Variants in CTXND1 observed in about 807,000 individuals in gnomAD.
The protein encoded by CTXND1 is cortexin domain-containing 1 protein.
At chr15:80,229,891 G>A (rs1893410412) in intron 1 of CTXND1, among the ~76,000 whole-genome samples, 1 of 152,166 alleles carries the variant, frequency 6.6e-6, no homozygotes, top group Non-Finnish European at 1.5e-5. Flanking sequence ...ATCCAGGTTG[G>A]AAAATGCTAA....
chr15:80,197,111 C>T lies in CTXND1; in HGVS notation c.*4659G>A, dbSNP rs2041424247. 1 of 152,224 alleles carries T rather than the reference C, an allele frequency of 6.6e-6. No homozygotes were observed. The highest frequency in any genetic ancestry group is 1.5e-5 in the Non-Finnish European group (1 of 68,128). The allele number at this position is 152,224 out of a possible 1,614,324, so 9.4% of individuals were successfully genotyped here. ...TCTCTTTGTCGCCTAGGCTGGAGTG[C>T]AGTAGTGTGATCCTAGCTCATTGTA... On this transcript the variant is annotated 3_prime_UTR_variant, in exon 3 of 3. Coordinates refer to ENST00000560778, the MANE Select transcript of CTXND1 (RefSeq NM_001352888.2).
chr15:80,217,317 A>C (rs909653981), intron 1 of CTXND1, among the ~76,000 whole-genome samples: 1 of 152,154 alleles, frequency 6.6e-6, no homozygotes, highest in South Asian at 2.1e-4. Context: ...TTACATCCTG[A>C]AATAGATCCT....
intron 1 of CTXND1, among the ~76,000 whole-genome samples, chr15:80,210,094 T>C (rs1440233583): frequency 6.6e-6 from 1 of 152,188 alleles, no homozygotes; most frequent in African/African-American, 2.4e-5. Flanking sequence ...TTTGAGGAAT[T>C]TTGCCCCTGA....
intron 1 of CTXND1, among the ~76,000 whole-genome samples, chr15:80,207,034 C>A (rs1312841085): frequency 6.6e-6 from 1 of 152,164 alleles, no homozygotes; most frequent in African/African-American, 2.4e-5. Flanking sequence ...TCTCTGCCTG[C>A]CTTAAAGATT....
Position 80,229,709 on chromosome 15 carries a change from A to G in CTXND1, c.-218+22298T>C, listed in dbSNP as rs74815363. Among the ~76,000 whole-genome samples, 1,348 of 152,326 alleles carry G rather than the reference A, an allele frequency of 8.8e-3. 8 individuals are homozygous for G. Among genetic ancestry groups the G allele is most frequent in the Non-Finnish European group, 0.014 (920 of 68,024 alleles). ...ATCGTCTTGACTAAAAAATTCTGATATGGTCCTTGCTAGTCAAAAGCTGAA... is the reference window on the plus strand; with the variant it reads ...ATCGTCTTGACTAAAAAATTCTGATGTGGTCCTTGCTAGTCAAAAGCTGAA... On this transcript the variant is annotated intron_variant, in intron 1 of 2. Coordinates refer to ENST00000560778, the MANE Select transcript of CTXND1 (RefSeq NM_001352888.2).
intron 1 of CTXND1, among the ~76,000 whole-genome samples, chr15:80,212,713 G>A (rs976634212): frequency 4.6e-5 from 7 of 152,132 alleles, no homozygotes; most frequent in African/African-American, 1.4e-4. Context: ...TGGGAGATCC[G>A]CAAAAATTTT....
chr15:80,222,793 C>G (rs1044423492), intron 1 of CTXND1, among the ~76,000 whole-genome samples: 1 of 152,036 alleles, frequency 6.6e-6, no homozygotes, highest in Non-Finnish European at 1.5e-5. Context: ...CTTTGTTTCA[C>G]TAAATCTGCC....
At chr15:80,227,635 T>TAA in intron 1 of CTXND1, among the ~76,000 whole-genome samples, 1 of 152,336 alleles carries the variant, frequency 6.6e-6, no homozygotes, top group South Asian at 2.1e-4. Flanking sequence ...ATATGTACAC[T>TAA]ATATTGTACA....
At chr15:80,242,991 G>C (rs578237086) in intron 1 of CTXND1, among the ~76,000 whole-genome samples, 1 of 152,322 alleles carries the variant, frequency 6.6e-6, no homozygotes, top group African/African-American at 2.4e-5. Context: ...AGGTCAGGAG[G>C]CTTGGATTTG....
chr15:80,205,499 T>A (rs1893138621), intron 1 of CTXND1, among the ~76,000 whole-genome samples: 2 of 152,344 alleles, frequency 1.3e-5, no homozygotes, highest in South Asian at 4.1e-4. Context: ...ACCAGCCCAG[T>A]TGTCCCATAG....
At position 80,212,512 on chromosome 15, in the gene CTXND1, G is replaced by A. The variant is rs72740078; in HGVS notation, c.-217-8772C>T. Among the ~76,000 whole-genome samples the A allele has an allele frequency of 4.4e-3, 664 of 152,266 alleles. 1 individual carries two copies. Among genetic ancestry groups the A allele is most frequent in the Non-Finnish European group, 7.8e-3 (534 of 68,030 alleles). On this transcript the variant is annotated intron_variant, in intron 1 of 2. Coordinates refer to ENST00000560778, the MANE Select transcript of CTXND1 (RefSeq NM_001352888.2). ...TGCTAAAATTAGGATATTCACTGTT[G>A]GGAAAGTATGCTCTGGAGAGAAAGC...
rs2041433651 is a variant in CTXND1, at chr15:80,198,758, C to G, written c.*3012G>C. On this transcript the variant is annotated 3_prime_UTR_variant, in exon 3 of 3. Coordinates refer to ENST00000560778, the MANE Select transcript of CTXND1 (RefSeq NM_001352888.2). ...CCGGCTTCATCATATCTATCTTGAT[C>G]TTTCTTTTTTTGCTTGGAACATGTA... 6.6e-6 allele frequency: 1 copy of G among 152,162 alleles called. No individual in the cohort carries two copies. The highest frequency in any genetic ancestry group is 2.1e-4 in the South Asian group (1 of 4,824). 9.4% of individuals were successfully genotyped at this position (152,162 alleles called of 1,614,324 possible). A position where few individuals can be genotyped will look rare whatever the true frequency, so the allele number is the denominator to read the frequency against.
At chr15:80,234,000 A>G (rs947885349) in intron 1 of CTXND1, among the ~76,000 whole-genome samples, 10 of 152,192 alleles carry the variant, frequency 6.6e-5, no homozygotes, top group African/African-American at 2.4e-4. Context: ...AACAGAGGTA[A>G]AAAAGCTGTC....
At chr15:80,230,410 A>G (rs1295259603) in intron 1 of CTXND1, among the ~76,000 whole-genome samples, 1 of 152,214 alleles carries the variant, frequency 6.6e-6, no homozygotes, top group Non-Finnish European at 1.5e-5. Flanking sequence ...ACGCCTGGCC[A>G]GTCATACCCT....
At chr15:80,251,711 C>T (rs975030408) in intron 1 of CTXND1, among the ~76,000 whole-genome samples, 17 of 152,226 alleles carry the variant, frequency 1.1e-4, no homozygotes, top group African/African-American at 4.1e-4. Context: ...GAACTCGGGC[C>T]GCTGCGACGC....
At chr15:80,204,776 CCTT>C (rs1399813606) in intron 1 of CTXND1, among the ~76,000 whole-genome samples, 1 of 151,710 alleles carries the variant, frequency 6.6e-6, no homozygotes, top group Admixed American at 6.6e-5. Context: ...ACAAATCTCT[CCTT>C]GAGACTCTGC....
chr15:80,234,476 C>CTTTTTTTTTTTTT, intron 1 of CTXND1, among the ~76,000 whole-genome samples: 1 of 133,768 alleles, frequency 7.5e-6, no homozygotes, highest in Non-Finnish European at 1.6e-5. Flanking sequence ...TGAACATGCC[C>CTTTTTTTTTTTTT]TTTTTTTTTT....
intron 1 of CTXND1, among the ~76,000 whole-genome samples, chr15:80,240,480 T>C (rs1316282219): frequency 6.6e-6 from 1 of 152,092 alleles, no homozygotes; most frequent in Non-Finnish European, 1.5e-5. Flanking sequence ...AATTGCATGC[T>C]TGACTTACTG....
In CTXND1 at chr15:80,201,459, C is replaced by T. The variant is rs2041448600; in HGVS notation, c.*311G>A. Reference sequence around the variant, plus strand: ...GCTGGATCCAGTTCCAAAAGGTGCCCAGGAACCTGGGAAGGTGACTACCCT... The same window carrying T: ...GCTGGATCCAGTTCCAAAAGGTGCCTAGGAACCTGGGAAGGTGACTACCCT... On this transcript the variant is annotated 3_prime_UTR_variant, in exon 3 of 3. Coordinates refer to ENST00000560778, the MANE Select transcript of CTXND1 (RefSeq NM_001352888.2). 3.9e-6 allele frequency: 1 copy of T among 254,832 alleles called. No individual in the cohort carries two copies. The highest frequency in any genetic ancestry group is 2.2e-5 in the African/African-American group (1 of 45,336). The allele number at this position is 254,832 out of a possible 1,614,324, so 15.8% of individuals were successfully genotyped here.
Sources: allele counts gnomAD v4.1 joint callset (sites outside exome capture counted in the v4.1 genomes callset), GRCh38; gene constraint gnomAD v4.1.1; transcripts MANE v1.5; gene names NCBI Gene and HGNC (gene_info 2026-07-23, HGNC 2026-07-21).